The following ANKH variants were observed in gnomAD, a reference collection of about 807,000 sequenced individuals.
ANKH encodes mineralization regulator ANKH.
ANKH carries 15 observed loss-of-function variants against 49.0 expected under a neutral mutation model. That is an observed-to-expected ratio of 0.31 (90% confidence interval 0.20 to 0.47). The LOEUF is 0.47. Ranked by LOEUF, ANKH falls within the 20% of genes least tolerant of loss-of-function variation. ANKH has a pLI of 1.00. For synonymous variants in ANKH, 273 were observed against 260.0 expected, an observed-to-expected ratio of 1.05 and a Z score of -0.48; for missense variants, 429 against 652.0, an observed-to-expected ratio of 0.66 and a Z score of 3.72.
chr5:14,741,745 A>T (rs1738362848), intron 8 of ANKH, 82 bp downstream of exon 8: 6 of 987,300 alleles, frequency 6.1e-6, no homozygotes, highest in Non-Finnish European at 9.6e-6. Context: ...GTGGAAAATA[A>T]GATTTCCCCC....
chr5:14,830,510 A>AGAGTGT (rs71603751), intron 1 of ANKH, among the ~76,000 whole-genome samples: 1 of 147,292 alleles, frequency 6.8e-6, no homozygotes, highest in Non-Finnish European at 1.5e-5. Flanking sequence ...AGGTAGGGGG[A>AGAGTGT]GTGTGTGTGT....
chr5:14,862,721 C>A (rs1735532529), intron 1 of ANKH, among the ~76,000 whole-genome samples: 1 of 152,200 alleles, frequency 6.6e-6, no homozygotes, highest in South Asian at 2.1e-4. Flanking sequence ...TTGCTCTGTG[C>A]TGCTCTGTTT....
At chr5:14,778,964 G>A (rs916013517) in intron 1 of ANKH, among the ~76,000 whole-genome samples, 61 of 152,152 alleles carry the variant, frequency 4.0e-4, no homozygotes, top group African/African-American at 1.5e-3. Flanking sequence ...CCTGCTCTCA[G>A]TACTCCTAGG....
At chr5:14,857,061 G>A (rs986403554) in intron 1 of ANKH, among the ~76,000 whole-genome samples, 2 of 152,138 alleles carry the variant, frequency 1.3e-5, no homozygotes, top group African/African-American at 4.8e-5. Flanking sequence ...CAAATATACG[G>A]GGGAGTAAAA....
At chr5:14,839,065 A>C (rs1037354834) in intron 1 of ANKH, among the ~76,000 whole-genome samples, 1 of 152,156 alleles carries the variant, frequency 6.6e-6, no homozygotes, top group African/African-American at 2.4e-5. Context: ...TATCCAATAG[A>C]CCCTTACCTC....
intron 2 of ANKH, chr5:14,768,566 A>C (rs1739324667): frequency 3.9e-6 from 1 of 256,280 alleles, no homozygotes; most frequent in Non-Finnish European, 7.6e-6. Context: ...TAAATAGAAC[A>C]ATCTGTCATT....
Position 14,716,997 on chromosome 5 carries a change from C to T in ANKH, c.1012-162G>A. The T allele has an allele frequency of 7.1e-6, 6 of 842,862 alleles. No individual in the cohort carries two copies. The South Asian group carries it at 8.9e-5, about 12-fold the overall frequency. The allele number at this position is 842,862 out of a possible 1,614,324, so 52.2% of individuals were successfully genotyped here. Reference sequence around the variant, plus strand: ...CCAGATCTGCCACCTGCTTGCTTGACTCTCTTCTGACCACAGAGGCCCTGG... The same window carrying T: ...CCAGATCTGCCACCTGCTTGCTTGATTCTCTTCTGACCACAGAGGCCCTGG... On this transcript the variant is annotated intron_variant, in intron 8 of 11. Coordinates refer to ENST00000284268, the MANE Select transcript of ANKH (RefSeq NM_054027.6).
intron 1 of ANKH, among the ~76,000 whole-genome samples, chr5:14,810,160 C>CTT (rs35622899): frequency 4.1e-4 from 59 of 144,468 alleles, no homozygotes; most frequent in Admixed American, 7.6e-4. Flanking sequence ...AAACGATTGA[C>CTT]TTTTTTTTTT....
intron 1 of ANKH, among the ~76,000 whole-genome samples, chr5:14,771,130 A>G (rs1481657412): frequency 6.6e-6 from 1 of 152,268 alleles, no homozygotes; most frequent in Non-Finnish European, 1.5e-5. Flanking sequence ...ATACCAAAGG[A>G]GCCAACGGGT....
intron 1 of ANKH, among the ~76,000 whole-genome samples, chr5:14,847,172 G>A (rs1741988035): frequency 6.6e-6 from 1 of 152,062 alleles, no homozygotes; most frequent in African/African-American, 2.4e-5. Flanking sequence ...GTTAATGAGA[G>A]CAAAATTTTT....
chr5:14,758,741 T>C (rs1738982717), intron 2 of ANKH, 143 bp from the exon 3 acceptor site: 2 of 698,758 alleles, frequency 2.9e-6, no homozygotes. Flanking sequence ...AAAAAAATCA[T>C]CTACAATCTC....
At chr5:14,741,569 T>G in intron 8 of ANKH, 2 of 461,648 alleles carry the variant, frequency 4.3e-6, no homozygotes, top group Non-Finnish European at 7.9e-6. Flanking sequence ...ACTATTCCAA[T>G]TAAAGGCAAC....
At chr5:14,774,949 A>G (rs1739565471) in intron 1 of ANKH, among the ~76,000 whole-genome samples, 1 of 152,076 alleles carries the variant, frequency 6.6e-6, no homozygotes, top group African/African-American at 2.4e-5. Context: ...GGTGCCCCTT[A>G]TTCACAGAAA....
intron 1 of ANKH, among the ~76,000 whole-genome samples, chr5:14,778,568 G>A (rs977479376): frequency 9.9e-5 from 15 of 151,996 alleles, no homozygotes; most frequent in Non-Finnish European, 1.8e-4. Context: ...TAAAATCTCC[G>A]GCTGCAATTT....
intron 1 of ANKH, among the ~76,000 whole-genome samples, chr5:14,827,740 G>A (rs1230460465): frequency 7.0e-6 from 1 of 143,272 alleles, no homozygotes; most frequent in Non-Finnish European, 1.5e-5. Flanking sequence ...CAAAACTGTT[G>A]TCCTAAGACC....
intron 8 of ANKH, among the ~76,000 whole-genome samples, chr5:14,730,136 C>T (rs994972130): frequency 6.6e-6 from 1 of 152,042 alleles, no homozygotes; most frequent in Non-Finnish European, 1.5e-5. Context: ...AGAAACAGCA[C>T]ACAAGGAGGG....
At chr5:14,740,939 C>A (rs16903680) in intron 8 of ANKH, among the ~76,000 whole-genome samples, 1 of 152,220 alleles carries the variant, frequency 6.6e-6, no homozygotes, top group East Asian at 1.9e-4. Context: ...AAGTTTCTAC[C>A]GGATTTAATA....
chr5:14,720,345 ACCTGAATGC>A (rs1737620394), intron 8 of ANKH, among the ~76,000 whole-genome samples: 1 of 152,160 alleles, frequency 6.6e-6, no homozygotes, highest in Non-Finnish European at 1.5e-5. Flanking sequence ...GGACTTTATT[ACCTGAATGC>A]CCTGGACAAG....
chr5:14,714,238 CGTT>C (rs917877703), intron 9 of ANKH, among the ~76,000 whole-genome samples: 8 of 152,218 alleles, frequency 5.3e-5, no homozygotes, highest in African/African-American at 1.7e-4. Flanking sequence ...TGTGGGCCCT[CGTT>C]GGTGTGCTGC....
Sources: gnomAD v4.1 joint callset for allele counts (sites outside exome capture counted in the v4.1 genomes callset) on GRCh38, gnomAD v4.1.1 for gene constraint, MANE v1.5 for transcripts, NCBI Gene and HGNC (gene_info 2026-07-23, HGNC 2026-07-21) for gene names.